The following RAB27B variants were observed in gnomAD, a reference collection of about 807,000 sequenced individuals.
RAB27B encodes the protein RAB27B, member RAS oncogene family.
RAB27B carries 15 observed loss-of-function variants against 24.6 expected under a neutral mutation model. That is an observed-to-expected ratio of 0.61 (90% CI 0.41 to 0.94). The LOEUF is 0.94. Ranked by LOEUF, RAB27B falls within the 40% of genes least tolerant of loss-of-function variation. The probability of loss-of-function intolerance (pLI) is 0.00; values close to 1 mark genes in which losing one functional copy is unlikely to be tolerated. For synonymous variants in RAB27B, 105 were observed against 92.5 expected (o/e 1.14, Z -0.78); for missense variants, 261 against 266.8 (o/e 0.98, Z 0.15).
At chr18:54,851,035 A>G (rs1911566458) in intron 1 of RAB27B, among the ~76,000 whole-genome samples, 1 of 152,112 alleles carries the variant, frequency 6.6e-6, no homozygotes, top group Non-Finnish European at 1.5e-5. Flanking sequence ...TCAATTAACT[A>G]ATATATGAAA....
intron 3 of RAB27B, among the ~76,000 whole-genome samples, chr18:54,883,849 C>T (rs1206188547): frequency 6.6e-6 from 1 of 152,088 alleles, no homozygotes; most frequent in Admixed American, 6.6e-5. Flanking sequence ...AATATTCTTC[C>T]TTACAAAAGA....
At chr18:54,752,295 C>T (rs1299506539) in intron 2 of RAB27B, among the ~76,000 whole-genome samples, 1 of 152,136 alleles carries the variant, frequency 6.6e-6, no homozygotes, top group Non-Finnish European at 1.5e-5. Flanking sequence ...ATCTGGCTAC[C>T]AACTGGAATC....
intron 3 of RAB27B, among the ~76,000 whole-genome samples, chr18:54,881,763 C>T (rs1397524628): frequency 6.6e-6 from 1 of 152,130 alleles, no homozygotes; most frequent in African/African-American, 2.4e-5. Context: ...CAGAATAGAG[C>T]AAGATGTCTG....
intron 2 of RAB27B, among the ~76,000 whole-genome samples, chr18:54,718,662 G>A (rs1313277556): frequency 6.6e-6 from 1 of 152,064 alleles, no homozygotes; most frequent in African/African-American, 2.4e-5. Context: ...CAATACCACA[G>A]CTAGTAGATG....
intron 1 of RAB27B, among the ~76,000 whole-genome samples, chr18:54,871,706 C>T (rs1912470696): frequency 1.3e-5 from 2 of 151,952 alleles, no homozygotes; most frequent in South Asian, 2.1e-4. Flanking sequence ...AAAAATTGGC[C>T]GGGCGTGGTG....
chr18:54,888,748 G>T (rs1325841254), intron 5 of RAB27B, among the ~76,000 whole-genome samples: 1 of 152,222 alleles, frequency 6.6e-6, no homozygotes, highest in East Asian at 1.9e-4. Flanking sequence ...CTCCCTAAAA[G>T]CTGTACAATT....
At chr18:54,726,170 C>T (rs1909530580) in intron 2 of RAB27B, among the ~76,000 whole-genome samples, 1 of 151,538 alleles carries the variant, frequency 6.6e-6, no homozygotes, top group East Asian at 1.9e-4. Context: ...AGACTCTAGA[C>T]CTACTCTTTC....
At chr18:54,869,471 G>A (rs2018710) in intron 1 of RAB27B, among the ~76,000 whole-genome samples, 137,557 of 152,194 alleles carry the variant, frequency 0.9, 63,791 homozygotes, top group East Asian at 1. Context: ...GCAAATTCAT[G>A]TCCAGATTTT....
chr18:54,875,566 A>G (rs1474765280), intron 1 of RAB27B, among the ~76,000 whole-genome samples: 2 of 150,294 alleles, frequency 1.3e-5, no homozygotes, highest in Non-Finnish European at 2.9e-5. Context: ...GAGAACATCC[A>G]TGGTCAGCAA....
chr18:54,751,160 T>C (rs913515153), intron 2 of RAB27B, among the ~76,000 whole-genome samples: 1 of 152,076 alleles, frequency 6.6e-6, no homozygotes, highest in African/African-American at 2.4e-5. Context: ...AGAAAGACAA[T>C]ACTAGGAGCT....
chr18:54,757,466 A>G (rs1341901978), intron 2 of RAB27B, among the ~76,000 whole-genome samples: 1 of 152,212 alleles, frequency 6.6e-6, no homozygotes, highest in Non-Finnish European at 1.5e-5. Flanking sequence ...AATTTGAGAA[A>G]CAACAATTGC....
rs905207813 is a variant in RAB27B, at chr18:54,807,194, C to T, written c.-19-70373C>T. ...GATTACAGGCATGAGCCACCGCGCC[C>T]GGCCTAAGCTAATTTTGAAATGCAG... On this transcript the variant is annotated intron_variant, in intron 2 of 4. Coordinates refer to the RAB27B transcript ENST00000586570. 8.5e-5 allele frequency among the ~76,000 whole-genome samples: 13 copies of T among 152,280 alleles called. No homozygotes were observed. In the East Asian group the frequency reaches 9.6e-4, roughly 11 times the overall value.
intron 2 of RAB27B, among the ~76,000 whole-genome samples, chr18:54,804,057 G>T (rs142928889): frequency 1.3e-5 from 2 of 152,048 alleles, no homozygotes; most frequent in African/African-American, 4.8e-5. Flanking sequence ...TTAATTATGT[G>T]GTCAGTCCCA....
intron 2 of RAB27B, among the ~76,000 whole-genome samples, chr18:54,813,347 G>A (rs11152005): frequency 0.23 from 34,688 of 152,136 alleles, 4,220 homozygotes; most frequent in East Asian, 0.4. Flanking sequence ...GATTTGATAT[G>A]GTTTGGATAT....
chr18:54,756,778 G>C (rs1433383823), intron 2 of RAB27B, among the ~76,000 whole-genome samples: 1 of 152,134 alleles, frequency 6.6e-6, no homozygotes, highest in Non-Finnish European at 1.5e-5. Flanking sequence ...ACAGATACAG[G>C]AATACATTAC....
At chr18:54,798,725 A>T (rs1029590817) in intron 2 of RAB27B, among the ~76,000 whole-genome samples, 1 of 152,258 alleles carries the variant, frequency 6.6e-6, no homozygotes, top group Non-Finnish European at 1.5e-5. Context: ...CTAAGTTGCT[A>T]ACATTCAGTC....
chr18:54,790,725 C>T (rs937859280), intron 2 of RAB27B, among the ~76,000 whole-genome samples: 1 of 151,994 alleles, frequency 6.6e-6, no homozygotes, highest in Non-Finnish European at 1.5e-5. Context: ...TTATAGAAAG[C>T]ATATGAGAAT....
At chr18:54,718,855 G>A (rs537691268) in intron 2 of RAB27B, among the ~76,000 whole-genome samples, 1 of 152,282 alleles carries the variant, frequency 6.6e-6, no homozygotes, top group Admixed American at 6.5e-5. Flanking sequence ...TGCTTTTTAA[G>A]AGCCTTGGTG....
chr18:54,844,432 A>T (rs573253896), intron 1 of RAB27B, among the ~76,000 whole-genome samples: 3 of 90,768 alleles, frequency 3.3e-5, no homozygotes, highest in African/African-American at 1.5e-4. Context: ...TTTTTGATAC[A>T]GTCTTGCTCT....
Sources: gnomAD v4.1 joint callset for allele counts (sites outside exome capture counted in the v4.1 genomes callset) on GRCh38, gnomAD v4.1.1 for gene constraint, MANE v1.5 for transcripts, NCBI Gene and HGNC (gene_info 2026-07-23, HGNC 2026-07-21) for gene names.